The following VCAN variants were observed in gnomAD, a reference collection of about 807,000 sequenced individuals.
VCAN encodes versican core protein.
VCAN carries 44 observed loss-of-function variants against 245.5 expected under a neutral mutation model. That is an observed-to-expected ratio of 0.18 (90% CI 0.14 to 0.23). VCAN has a LOEUF of 0.23. Ranked by LOEUF, VCAN falls within the 10% of genes least tolerant of loss-of-function variation. VCAN has a pLI of 1.00. For synonymous variants in VCAN, 1,413 were observed against 1,437.0 expected (o/e 0.98, Z 0.38); for missense variants, 3,793 against 4,057.9 (o/e 0.93, Z 1.77).
In VCAN at chr5:83,537,494, G is replaced by A. The variant is rs1225446189; in HGVS notation, c.4491G>A (p.Glu1497=). The A allele has an allele frequency of 3.1e-6, 5 of 1,613,932 alleles. No individual in the cohort carries two copies. In the East Asian group the frequency reaches 1.1e-4, roughly 36 times the overall value. ...CATCAGAACATTTTTCAGGTGGTGA[G>A]CCTGATGTTTTCCCCACAGTCCCAT... is the stretch of plus-strand genomic sequence containing the variant. The part of the protein sequence containing the change: ...PETSEHFSGG[E]PDVFPTVPFH... The change falls in exon 8 of 15, where the codon GAG becomes GAA. Residue 1497 remains glutamate (E), a synonymous_variant. Coordinates refer to ENST00000265077, the MANE Select transcript of VCAN (RefSeq NM_004385.5).
rs1747181972 is a variant in VCAN, at chr5:83,545,645, A to G, written c.9374A>G (p.Glu3125Gly). 1 of 1,613,586 alleles carries G rather than the reference A, an allele frequency of 6.2e-7. No homozygotes were observed. Among genetic ancestry groups the G allele is most frequent in the Non-Finnish European group, 8.5e-7 (1 of 1,179,476 alleles). Residue 3125 changes from glutamate (E) to glycine (G), a missense_variant, in exon 9 of 15, where the codon GAA (glutamate) becomes GGA (glycine). Coordinates refer to ENST00000265077, the MANE Select transcript of VCAN (RefSeq NM_004385.5). Reference protein sequence around the residue: ...CVPGYSGDQCELDFDECHSNP... With the variant: ...CVPGYSGDQCGLDFDECHSNP... ...CCAGGATACAGCGGAGACCAGTGTG[A>G]ACTTGGTAAGATGGTACTTGGCTGA...
chr5:83,524,536 GTACCTACCTACCTACCTACCTACCTACC>G (rs58462835), intron 7 of VCAN, among the ~76,000 whole-genome samples: 11 of 147,272 alleles, frequency 7.5e-5, no homozygotes, highest in Admixed American at 1.4e-4. Flanking sequence ...ACCTACCTGC[GTACCTACCTACCTACCTACCTACCTACC>G]TACCTACCTA....
chr5:83,557,126 C>T (rs1001435122), intron 12 of VCAN, among the ~76,000 whole-genome samples: 1 of 152,096 alleles, frequency 6.6e-6, no homozygotes, highest in Non-Finnish European at 1.5e-5. Context: ...TGTCTGGGTT[C>T]CTGTAGATTC....
chr5:83,510,239 T>C (rs1473195135), intron 5 of VCAN, among the ~76,000 whole-genome samples: 4 of 152,228 alleles, frequency 2.6e-5, no homozygotes, highest in African/African-American at 4.8e-5. Context: ...TCATTGAAAT[T>C]TGGCCTACTT....
chr5:83,555,156 G>T, intron 12 of VCAN, 118 bp downstream of exon 12: 2 of 1,005,358 alleles, frequency 2.0e-6, no homozygotes, highest in Non-Finnish European at 3.1e-6. Context: ...CTTGCTCAAG[G>T]TCACTCAGTG....
intron 1 of VCAN, among the ~76,000 whole-genome samples, chr5:83,478,917 G>A (rs1028631191): frequency 6.6e-6 from 1 of 152,140 alleles, no homozygotes; most frequent in African/African-American, 2.4e-5. Flanking sequence ...TAGAGCATGG[G>A]AAAGGGAATA....
chr5:83,558,508 A>G (rs905973523), intron 12 of VCAN, among the ~76,000 whole-genome samples: 3 of 152,096 alleles, frequency 2.0e-5, no homozygotes, highest in African/African-American at 7.2e-5. Flanking sequence ...AACCTTTCAT[A>G]TTTACCTTAA....
At chr5:83,513,818 GAT>G (rs1745750437) in intron 6 of VCAN, among the ~76,000 whole-genome samples, 1 of 152,238 alleles carries the variant, frequency 6.6e-6, no homozygotes, top group African/African-American at 2.4e-5. Flanking sequence ...TTACGTGACT[GAT>G]ATAATTAAGG....
Position 83,579,510 on chromosome 5 carries a change from C to T in VCAN, c.9881-470C>T, listed in dbSNP as rs959033975. ...AATCTCTTGATCTCGTGATCCACCC[C>T]GCTTGGCCTCCCAAAGTGCTGGGAT... On this transcript the variant is annotated intron_variant, in intron 13 of 14. Transcript: ENST00000265077. Among the ~76,000 whole-genome samples, 3 of 152,022 alleles carry T rather than the reference C, an allele frequency of 2.0e-5. No homozygotes were observed. In the East Asian group the frequency reaches 5.8e-4, roughly 29 times the overall value.
intron 7 of VCAN, among the ~76,000 whole-genome samples, chr5:83,533,437 G>A (rs1028179468): frequency 6.6e-6 from 1 of 152,092 alleles, no homozygotes; most frequent in Non-Finnish European, 1.5e-5. Context: ...AGGGGGCAAG[G>A]AGAGACTTGG....
intron 5 of VCAN, among the ~76,000 whole-genome samples, chr5:83,495,378 G>C (rs556206834): frequency 3.8e-4 from 58 of 152,254 alleles, no homozygotes; most frequent in African/African-American, 1.4e-3. Flanking sequence ...TAGTATCTTA[G>C]CATTCTTATT....
At chr5:83,553,252 T>C in intron 10 of VCAN, 112 bp from the exon 11 acceptor site, 2 of 1,405,468 alleles carry the variant, frequency 1.4e-6, no homozygotes, top group Non-Finnish European at 2.0e-6. Flanking sequence ...AATCAGTTAC[T>C]TCAGGGACAT....
intron 8 of VCAN, among the ~76,000 whole-genome samples, chr5:83,543,486 G>T (rs13159438): frequency 0.19 from 28,549 of 152,176 alleles, 3,389 homozygotes; most frequent in Non-Finnish European, 0.26. Context: ...ATTTTGATGT[G>T]CTTCAGAAAG....
At position 83,543,554 on chromosome 5, in the gene VCAN, A is replaced by G. The variant is rs183305666; in HGVS notation, c.9265+1286A>G. Among the ~76,000 whole-genome samples the G allele has an allele frequency of 5.3e-3, 803 of 152,326 alleles. 9 individuals carry two copies. Among genetic ancestry groups the G allele is most frequent in the African/African-American group, 0.018 (764 of 41,582 alleles). On this transcript the variant is annotated intron_variant, in intron 8 of 14. Transcript: ENST00000265077. Reference sequence around the variant, plus strand: ...GCTTGAAATATTTTGAGGAAAATTGATCAAAGGTAGTTGACATTGGGTTTT... The same window carrying G: ...GCTTGAAATATTTTGAGGAAAATTGGTCAAAGGTAGTTGACATTGGGTTTT...
In VCAN at chr5:83,540,459, T is replaced by C. The variant is rs771294587; in HGVS notation, c.7456T>C (p.Ser2486Pro). The C allele has an allele frequency of 4.1e-5, 66 of 1,613,892 alleles. 2 individuals are homozygous for C. The Admixed American group carries it at 1.1e-3, about 26-fold the overall frequency. Residue 2486 changes from serine to proline, a missense_variant, in exon 8 of 15, where the codon TCA becomes CCA. Coordinates refer to ENST00000265077, the MANE Select transcript of VCAN (RefSeq NM_004385.5). Reference sequence around the variant, plus strand: ...TACTGCTGATGGATTCCCAACAGTTTCAGTGATGCTGCCTCTTCATTCAGA... The same window carrying C: ...TACTGCTGATGGATTCCCAACAGTTCCAGTGATGCTGCCTCTTCATTCAGA... ...AVTADGFPTV[S>P]VMLPLHSEQN...
At position 83,542,134 on chromosome 5, in the gene VCAN, C is replaced by T. The variant is rs1335509923; in HGVS notation, c.9131C>T (p.Ala3044Val). 1 of 1,614,066 alleles carries T rather than the reference C, an allele frequency of 6.2e-7. No homozygotes were observed. Among genetic ancestry groups the T allele is most frequent in the Non-Finnish European group, 8.5e-7 (1 of 1,179,968 alleles). The part of the protein sequence containing the change: ...AARILDSNDQ[A>V]TVNPVEFNTE... ...AGAATTCTTGATTCCAATGATCAGG[C>T]AACAGTAAACCCTGTGGAATTTAAT... The change falls in exon 8 of 15, where the codon GCA becomes GTA. Residue 3044 changes from alanine (A) to valine (V), a missense_variant. Ala to Val is a moderately conservative substitution (Grantham distance 64). Transcript: ENST00000265077.
chr5:83,555,111 CA>C, intron 12 of VCAN, 73 bp downstream of exon 12: 2 of 1,464,162 alleles, frequency 1.4e-6, no homozygotes, highest in Non-Finnish European at 1.9e-6. Flanking sequence ...TTGTGCATTA[CA>C]GAGGGTGCAT....
intron 12 of VCAN, among the ~76,000 whole-genome samples, chr5:83,565,959 CT>C (rs903305296): frequency 7.5e-5 from 11 of 146,942 alleles, no homozygotes; most frequent in East Asian, 4.0e-4. Context: ...TGAAAAACTG[CT>C]TTTTTTTTTC....
In VCAN at chr5:83,494,071, G is replaced by C; in HGVS notation, c.748+140G>C. 3.5e-6 allele frequency: 5 copies of C among 1,437,866 alleles called. No individual in the cohort carries two copies. In the South Asian group the frequency reaches 5.8e-5, roughly 17 times the overall value. The allele number at this position is 1,437,866 out of a possible 1,614,324, so 89.1% of individuals were successfully genotyped here. A position where few individuals can be genotyped will look rare whatever the true frequency, so the allele number is the denominator to read the frequency against. On this transcript the variant is annotated intron_variant, in intron 5 of 14. Coordinates refer to ENST00000265077, the MANE Select transcript of VCAN (RefSeq NM_004385.5). The stretch of plus-strand genomic sequence containing the variant: ...TTTGTTTATACGACTGTATGATTTT[G>C]TGGTAAAATAAGCCGAAATTAAAGT...
Sources: gnomAD v4.1 joint callset for allele counts (sites outside exome capture counted in the v4.1 genomes callset) on GRCh38, gnomAD v4.1.1 for gene constraint, MANE v1.5 for transcripts, NCBI Gene and HGNC (gene_info 2026-07-23, HGNC 2026-07-21) for gene names.